Variants in RBFOX1 observed in about 807,000 individuals in gnomAD.
RBFOX1 encodes RNA binding fox-1 homolog 1.
A neutral mutation model predicts 57.7 loss-of-function variants in RBFOX1; 8 were observed. The ratio of observed to expected loss-of-function variants is 0.14; its 90% CI spans 0.08 to 0.25. The LOEUF is 0.25. Among genes scored for constraint, RBFOX1 ranks in the 10% least tolerant of loss-of-function variants. The pLI is 1.00. For missense variants in RBFOX1, 611 were observed against 548.5 expected (o/e 1.11, Z -1.14); for synonymous variants, 326 against 222.4 (o/e 1.47, Z -4.15).
rs192653506 is a variant in RBFOX1, at chr16:6,082,308, G to A, written c.-127+62316G>A. Among the ~76,000 whole-genome samples, 32 of 135,434 alleles carry A rather than the reference G, an allele frequency of 2.4e-4. No homozygotes were observed. In the East Asian group the frequency reaches 6.5e-3, roughly 27 times the overall value. The allele number at this position is 135,434 out of a possible 152,430, so 88.8% of individuals were successfully genotyped here. A position where few individuals can be genotyped will look rare whatever the true frequency, so the allele number is the denominator to read the frequency against. On this transcript the variant is annotated intron_variant, in intron 1 of 15. Transcript: ENST00000550418. ...CGATTCTCCTGCCTCAGCCTCCCAAGTAGCTGGGATTACATGTGCCTGTCA... is the reference window on the plus strand; with the variant it reads ...CGATTCTCCTGCCTCAGCCTCCCAAATAGCTGGGATTACATGTGCCTGTCA...
At chr16:5,506,193 G>A (rs1426122006) in intron 2 of RBFOX1, among the ~76,000 whole-genome samples, 1 of 152,150 alleles carries the variant, frequency 6.6e-6, no homozygotes, top group African/African-American at 2.4e-5. Flanking sequence ...ACTTTCTGAA[G>A]GCAGGGTTCC....
At chr16:6,242,342 T>C (rs2097544051) in intron 1 of RBFOX1, among the ~76,000 whole-genome samples, 1 of 152,162 alleles carries the variant, frequency 6.6e-6, no homozygotes, top group African/African-American at 2.4e-5. Flanking sequence ...TATAGGTCTA[T>C]GGTCTATTGC....
At chr16:5,825,523 A>G (rs2056006975) in intron 3 of RBFOX1, among the ~76,000 whole-genome samples, 1 of 152,226 alleles carries the variant, frequency 6.6e-6, no homozygotes, top group South Asian at 2.1e-4. Context: ...TTGGATGGAA[A>G]AAATTATAGC....
At chr16:5,400,801 C>A (rs1402623878) in intron 1 of RBFOX1, among the ~76,000 whole-genome samples, 3 of 151,978 alleles carry the variant, frequency 2.0e-5, no homozygotes, top group African/African-American at 7.2e-5. Flanking sequence ...CCCAACAGGT[C>A]TTTTTAAAAA....
intron 4 of RBFOX1, among the ~76,000 whole-genome samples, chr16:7,494,675 G>C (rs1254915892): frequency 6.6e-6 from 1 of 152,072 alleles, no homozygotes; most frequent in African/African-American, 2.4e-5. Context: ...AAAAGGTCAT[G>C]ATACTTACTC....
chr16:7,324,039 GTTTTC>G (rs1244835039), intron 4 of RBFOX1, among the ~76,000 whole-genome samples: 1 of 152,026 alleles, frequency 6.6e-6, no homozygotes, highest in African/African-American at 2.4e-5. Context: ...GTTTTGTTTT[GTTTTC>G]TTCTTTACAG....
chr16:7,215,574 C>G (rs1336747213), intron 4 of RBFOX1, among the ~76,000 whole-genome samples: 5 of 152,146 alleles, frequency 3.3e-5, no homozygotes, highest in East Asian at 1.9e-4. Context: ...AGTACATTTA[C>G]TGAGTTGTAC....
intron 3 of RBFOX1, among the ~76,000 whole-genome samples, chr16:6,900,019 G>A (rs111282560): frequency 2.0e-5 from 3 of 152,158 alleles, no homozygotes; most frequent in Admixed American, 6.5e-5. Flanking sequence ...ACAGGAGGAT[G>A]CTCATAGCAT....
intron 3 of RBFOX1, among the ~76,000 whole-genome samples, chr16:6,928,578 T>C (rs774962651): frequency 2.0e-5 from 3 of 152,130 alleles, no homozygotes; most frequent in Non-Finnish European, 4.4e-5. Context: ...TATAAATTCC[T>C]TGGGATCAGC....
intron 2 of RBFOX1, among the ~76,000 whole-genome samples, chr16:6,550,360 A>G (rs1306662936): frequency 6.6e-6 from 1 of 152,118 alleles, no homozygotes; most frequent in Non-Finnish European, 1.5e-5. Flanking sequence ...TATTTTCATT[A>G]CAGACAAGCC....
chr16:6,680,767 T>A (rs1014772203), intron 3 of RBFOX1, among the ~76,000 whole-genome samples: 1 of 152,234 alleles, frequency 6.6e-6, no homozygotes, highest in African/African-American at 2.4e-5. Context: ...GGCGGAAAGA[T>A]GCTAGATGGG....
intron 3 of RBFOX1, among the ~76,000 whole-genome samples, chr16:5,769,230 C>T (rs2053894433): frequency 6.6e-6 from 1 of 152,054 alleles, no homozygotes; most frequent in South Asian, 2.1e-4. Flanking sequence ...GAAGTCCTAA[C>T]CCCAGCTACC....
intron 3 of RBFOX1, among the ~76,000 whole-genome samples, chr16:6,687,127 A>G (rs754585490): frequency 6.6e-4 from 101 of 152,324 alleles, no homozygotes; most frequent in Admixed American, 2.5e-3. Flanking sequence ...TATTGTTATT[A>G]CTTGGGGCAT....
intron 3 of RBFOX1, among the ~76,000 whole-genome samples, chr16:6,868,618 C>A (rs376694105): frequency 2.9e-4 from 44 of 152,186 alleles, no homozygotes; most frequent in Middle Eastern, 3.4e-3. Flanking sequence ...ATTATAGGCA[C>A]ACACCACCAC....
At chr16:7,694,590 G>A (rs1207668556) in intron 14 of RBFOX1, among the ~76,000 whole-genome samples, 1 of 152,152 alleles carries the variant, frequency 6.6e-6, no homozygotes, top group Non-Finnish European at 1.5e-5. Context: ...TTTGCTGATG[G>A]TCCTGCAATT....
chr16:7,227,294 CCA>C (rs1038242650), intron 4 of RBFOX1, among the ~76,000 whole-genome samples: 2 of 140,472 alleles, frequency 1.4e-5, no homozygotes, highest in Admixed American at 7.3e-5. Flanking sequence ...CACCCCACCC[CCA>C]CACACACACA....
At chr16:6,793,739 A>G (rs2083405002) in intron 3 of RBFOX1, among the ~76,000 whole-genome samples, 2 of 152,224 alleles carry the variant, frequency 1.3e-5, no homozygotes, top group African/African-American at 4.8e-5. Flanking sequence ...AATTAAAATA[A>G]CACAGCAAGA....
chr16:6,810,041 T>G (rs1413024323), intron 3 of RBFOX1, among the ~76,000 whole-genome samples: 1 of 151,516 alleles, frequency 6.6e-6, no homozygotes, highest in Non-Finnish European at 1.5e-5. Flanking sequence ...TTTTTTTTTT[T>G]CTGTTAATAA....
intron 1 of RBFOX1, among the ~76,000 whole-genome samples, chr16:6,269,176 C>T (rs1445399402): frequency 2.0e-5 from 3 of 152,132 alleles, no homozygotes; most frequent in African/African-American, 7.2e-5. Flanking sequence ...CAAAATTATG[C>T]TGTATGCTTA....
Sources: gnomAD v4.1 joint callset for allele counts (sites outside exome capture counted in the v4.1 genomes callset) on GRCh38, gnomAD v4.1.1 for gene constraint, MANE v1.5 for transcripts, NCBI Gene and HGNC (gene_info 2026-07-23, HGNC 2026-07-21) for gene names.